The following CFAP43 variants were observed in gnomAD, a reference collection of about 807,000 sequenced individuals.
CFAP43 encodes the protein cilia- and flagella-associated protein 43.
Under a neutral mutation model 218.9 loss-of-function variants are expected in CFAP43, and 155 were observed. That is an observed-to-expected ratio of 0.71 (90% confidence interval 0.62 to 0.81). CFAP43 has a LOEUF of 0.81. CFAP43 is among the 30% of genes least tolerant of loss of function. CFAP43 has a pLI of 0.00. For synonymous variants in CFAP43, 645 were observed against 681.3 expected, an observed-to-expected ratio of 0.95 and a Z score of 0.83; for missense variants, 1,778 against 1,954.3, an observed-to-expected ratio of 0.91 and a Z score of 1.70.
chr10:104,182,333 T>TAAGC (rs1249984041), intron 17 of CFAP43, 33 bp downstream of exon 17: 1 of 1,500,864 alleles, frequency 6.7e-7, no homozygotes, highest in Admixed American at 2.5e-5. Flanking sequence ...GAAAGAAATG[T>TAAGC]AAGCAAGCAA....
chr10:104,156,370 C>T (rs1391103603), intron 27 of CFAP43, among the ~76,000 whole-genome samples: 1 of 152,064 alleles, frequency 6.6e-6, no homozygotes, highest in Non-Finnish European at 1.5e-5. Context: ...AAAAAAGCTA[C>T]TAGGAAATCC....
At position 104,138,328 on chromosome 10, in the gene CFAP43, G is replaced by A. The variant is rs1488994943; in HGVS notation, c.4431+2514C>T. Among the ~76,000 whole-genome samples the A allele has an allele frequency of 2.0e-5, 3 of 152,184 alleles. No individual in the cohort carries two copies. In the South Asian group the frequency reaches 6.2e-4, roughly 32 times the overall value. ...ACTGACTATTACTCTACAATAAACT[G>A]TCAAGGTCATCAAAAACAAGACAAA... On this transcript the variant is annotated intron_variant, in intron 34 of 37. Coordinates refer to ENST00000357060, the MANE Select transcript of CFAP43 (RefSeq NM_025145.7).
chr10:104,224,385 C>T (rs1436747541), intron 3 of CFAP43, among the ~76,000 whole-genome samples: 4 of 151,970 alleles, frequency 2.6e-5, no homozygotes, highest in Non-Finnish European at 5.9e-5. Context: ...TGGGTTTATA[C>T]ATAAATCAAA....
chr10:104,207,868 G>C, intron 5 of CFAP43, 44 bp from the exon 6 acceptor site: 1 of 1,564,968 alleles, frequency 6.4e-7, no homozygotes, highest in Non-Finnish European at 8.7e-7. Flanking sequence ...AACAATCACG[G>C]CTAAAAGCCT....
chr10:104,173,440 G>T (rs186829106), intron 19 of CFAP43, among the ~76,000 whole-genome samples: 5 of 152,278 alleles, frequency 3.3e-5, no homozygotes, highest in Admixed American at 3.3e-4. Context: ...CAGGAACAAG[G>T]GTTTACCTAA....
chr10:104,220,569 A>C (rs2091148707), intron 3 of CFAP43, among the ~76,000 whole-genome samples: 1 of 148,858 alleles, frequency 6.7e-6, no homozygotes, highest in Non-Finnish European at 1.5e-5. Context: ...GCAAGTAGCT[A>C]TAAGAACAAA....
rs2090100271 is a variant in CFAP43 at position 104,188,379 on chromosome 10, T to C, written c.1578A>G (p.Thr526=). Reference sequence around the variant, plus strand: ...CTATGTCTGTTTCTAAAAGAGACACTGTGGATATCTGTAAAATGTCTTTGG... The same window carrying C: ...CTATGTCTGTTTCTAAAAGAGACACCGTGGATATCTGTAAAATGTCTTTGG... ...EVAKDILQIS[T]VSLLETDIVE... Residue 526 remains threonine (T), a synonymous_variant, in exon 13 of 38, where the codon ACA becomes ACG. Coordinates refer to ENST00000357060, the MANE Select transcript of CFAP43 (RefSeq NM_025145.7). The C allele has an allele frequency of 6.2e-7, 1 of 1,613,936 alleles. No individual in the cohort carries two copies. Among genetic ancestry groups the C allele is most frequent in the African/African-American group, 1.3e-5 (1 of 74,912 alleles).
chr10:104,231,264 A>C (rs751704526), intron 1 of CFAP43, among the ~76,000 whole-genome samples: 7 of 152,354 alleles, frequency 4.6e-5, no homozygotes, highest in Non-Finnish European at 5.9e-5. Context: ...TTTAAAAAAC[A>C]ACTTTGCATA....
intron 13 of CFAP43, 49 bp downstream of exon 13, chr10:104,188,221 C>A: frequency 1.3e-6 from 2 of 1,586,442 alleles, no homozygotes; most frequent in Non-Finnish European, 1.7e-6. Context: ...ACAATAACAA[C>A]AATGTATCTG....
intron 7 of CFAP43, among the ~76,000 whole-genome samples, chr10:104,204,263 G>A (rs1037721434): frequency 3.3e-5 from 5 of 151,954 alleles, no homozygotes; most frequent in African/African-American, 7.3e-5. Flanking sequence ...TATTCCCTTC[G>A]GATCCTCTTT....
At chr10:104,230,887 T>C in intron 1 of CFAP43, 44 bp from the exon 2 acceptor site, 1 of 1,509,704 alleles carries the variant, frequency 6.6e-7, no homozygotes, top group Non-Finnish European at 8.8e-7. Flanking sequence ...ACATTTCAAA[T>C]ACTTTTTTTT....
chr10:104,159,931 G>C (rs1407853468), intron 27 of CFAP43, among the ~76,000 whole-genome samples: 1 of 152,186 alleles, frequency 6.6e-6, no homozygotes, highest in African/African-American at 2.4e-5. Context: ...TCAAGTGTGA[G>C]AGCACTTGGC....
chr10:104,162,532 T>A lies in CFAP43; in HGVS notation c.3247-129A>T. Reference sequence around the variant, plus strand: ...GGGACTCTGCAGACTTTGCACCCAATTTTCTGTTTTGGAATAAGATGAGGT... The same window carrying A: ...GGGACTCTGCAGACTTTGCACCCAAATTTCTGTTTTGGAATAAGATGAGGT... On this transcript the variant is annotated intron_variant, in intron 24 of 37. Coordinates refer to ENST00000357060, the MANE Select transcript of CFAP43 (RefSeq NM_025145.7). 3 of 752,682 alleles carry A rather than the reference T, an allele frequency of 4.0e-6. No individual in the cohort carries two copies. The South Asian group carries it at 4.7e-5, about 12-fold the overall frequency. The allele number at this position is 752,682 out of a possible 1,614,324, so 46.6% of individuals were successfully genotyped here.
chr10:104,139,253 G>A (rs548323561), intron 34 of CFAP43, among the ~76,000 whole-genome samples: 1 of 152,250 alleles, frequency 6.6e-6, no homozygotes, highest in East Asian at 1.9e-4. Flanking sequence ...AATCTGACAC[G>A]TGTGTAATTG....
At position 104,162,107 on chromosome 10, in the gene CFAP43, A is replaced by C. The variant is rs184723957; in HGVS notation, c.3334-66T>G. 459 of 1,515,318 alleles carry C rather than the reference A, an allele frequency of 3.0e-4. 3 individuals are homozygous for C. In the East Asian group the frequency reaches 5.9e-3, roughly 19 times the overall value. 93.9% of individuals were successfully genotyped at this position (1,515,318 alleles called of 1,614,324 possible). On this transcript the variant is annotated intron_variant, in intron 25 of 37. Coordinates refer to ENST00000357060, the MANE Select transcript of CFAP43 (RefSeq NM_025145.7). The stretch of plus-strand genomic sequence containing the variant: ...GACCTGACATTCCAGGTGGCTCCAG[A>C]GGCAGCTTCCCACCCAACATTAGAA...
At chr10:104,198,183 C>T (rs985767700) in intron 8 of CFAP43, 145 bp from the exon 9 acceptor site, 55 of 467,744 alleles carry the variant, frequency 1.2e-4, no homozygotes, top group Non-Finnish European at 2.0e-4. Context: ...AGACCTTGAC[C>T]CTGAAGGGCT....
chr10:104,221,489 G>C (rs373070345), intron 3 of CFAP43, among the ~76,000 whole-genome samples: 2 of 152,142 alleles, frequency 1.3e-5, no homozygotes, highest in African/African-American at 4.8e-5. Context: ...TACCATGTGA[G>C]GACATGGTGG....
chr10:104,184,102 C>A (rs181318614), intron 16 of CFAP43, among the ~76,000 whole-genome samples: 1 of 152,254 alleles, frequency 6.6e-6, no homozygotes, highest in African/African-American at 2.4e-5. Context: ...ACCACCTTTG[C>A]AAAGATTACG....
chr10:104,168,325 T>C (rs1351167816), intron 21 of CFAP43, among the ~76,000 whole-genome samples: 1 of 152,178 alleles, frequency 6.6e-6, no homozygotes, highest in Non-Finnish European at 1.5e-5. Context: ...TTGGTCACCC[T>C]ACACAAAGAG....
Sources: gnomAD v4.1 joint callset for allele counts (sites outside exome capture counted in the v4.1 genomes callset) on GRCh38, gnomAD v4.1.1 for gene constraint, MANE v1.5 for transcripts, NCBI Gene and HGNC (gene_info 2026-07-23, HGNC 2026-07-21) for gene names.